Variants in PRKG1 observed in about 807,000 individuals in gnomAD.
PRKG1 encodes cGMP-dependent protein kinase 1.
PRKG1 carries 35 observed loss-of-function variants against 88.1 expected under a neutral mutation model. That is an observed-to-expected ratio of 0.40 (90% CI 0.30 to 0.53). The LOEUF is 0.53. PRKG1 is among the 20% of genes least tolerant of loss of function. The probability of loss-of-function intolerance (pLI) is 0.59; values close to 1 mark genes in which losing one functional copy is unlikely to be tolerated. For synonymous variants in PRKG1, 303 were observed against 292.5 expected, an observed-to-expected ratio of 1.04 and a Z score of -0.37; for missense variants, 540 against 839.8, an observed-to-expected ratio of 0.64 and a Z score of 4.41.
At chr10:51,846,678 A>G (rs979442549) in intron 4 of PRKG1, among the ~76,000 whole-genome samples, 3 of 152,182 alleles carry the variant, frequency 2.0e-5, no homozygotes, top group Admixed American at 6.5e-5. Flanking sequence ...GAAAATGTCA[A>G]TGCCGGTGCC....
chr10:52,175,741 G>T (rs752386690), intron 9 of PRKG1, among the ~76,000 whole-genome samples: 1 of 152,040 alleles, frequency 6.6e-6, no homozygotes, highest in African/African-American at 2.4e-5. Context: ...CTTCCCTGAT[G>T]ATTGGTATGT....
intron 9 of PRKG1, among the ~76,000 whole-genome samples, chr10:52,179,205 T>C (rs1328646686): frequency 6.6e-6 from 1 of 152,180 alleles, no homozygotes; most frequent in Non-Finnish European, 1.5e-5. Context: ...TTGCATGTTT[T>C]CATGATTCTA....
chr10:51,973,094 G>A (rs1843748467), intron 5 of PRKG1, among the ~76,000 whole-genome samples: 1 of 152,198 alleles, frequency 6.6e-6, no homozygotes, highest in Non-Finnish European at 1.5e-5. Flanking sequence ...AACCCTGCCA[G>A]TCTCTAGTGA....
chr10:51,229,578 T>C (rs968202490), intron 2 of PRKG1, among the ~76,000 whole-genome samples: 1 of 152,128 alleles, frequency 6.6e-6, no homozygotes, highest in Non-Finnish European at 1.5e-5. Context: ...TATCTTAGTC[T>C]CTCCAAGACT....
intron 3 of PRKG1, among the ~76,000 whole-genome samples, chr10:51,700,988 T>G (rs1294565180): frequency 4.6e-5 from 7 of 152,160 alleles, no homozygotes. Flanking sequence ...GTGCCATACA[T>G]GTAACATACA....
chr10:52,180,708 G>T (rs1192282597), intron 9 of PRKG1, among the ~76,000 whole-genome samples: 1 of 152,216 alleles, frequency 6.6e-6, no homozygotes, highest in Non-Finnish European at 1.5e-5. Flanking sequence ...TGTTGGTGGT[G>T]TAACTTTGCC....
chr10:51,439,001 A>G (rs1482854737), intron 2 of PRKG1, among the ~76,000 whole-genome samples: 1 of 127,778 alleles, frequency 7.8e-6, no homozygotes, highest in Non-Finnish European at 1.8e-5. Context: ...ACTAATTGGG[A>G]TTTTTTTTTT....
intron 2 of PRKG1, among the ~76,000 whole-genome samples, chr10:51,457,065 A>T (rs1404266941): frequency 6.6e-6 from 1 of 152,196 alleles, no homozygotes; most frequent in Non-Finnish European, 1.5e-5. Flanking sequence ...CTACCATTCA[A>T]TCCAGCATTC....
intron 7 of PRKG1, among the ~76,000 whole-genome samples, chr10:52,104,297 T>G (rs1046379465): frequency 1.3e-5 from 2 of 152,144 alleles, no homozygotes; most frequent in Middle Eastern, 3.4e-3. Flanking sequence ...AATAATGATA[T>G]TTTAATTGTT....
At chr10:51,938,470 G>C (rs74132822) in intron 5 of PRKG1, among the ~76,000 whole-genome samples, 12,728 of 151,910 alleles carry the variant, frequency 0.084, 1,450 homozygotes, top group African/African-American at 0.26. Flanking sequence ...GTGGTTTAGA[G>C]CAAGGTGGAA....
intron 7 of PRKG1, among the ~76,000 whole-genome samples, chr10:52,102,625 G>C (rs182083399): frequency 2.3e-5 from 3 of 132,424 alleles, no homozygotes; most frequent in African/African-American, 7.9e-5. Context: ...GGAGGTAAGG[G>C]GTTTCAAGAT....
chr10:51,709,591 T>A (rs1393056296), intron 3 of PRKG1, among the ~76,000 whole-genome samples: 2 of 152,150 alleles, frequency 1.3e-5, no homozygotes, highest in Non-Finnish European at 2.9e-5. Context: ...GAAAATGGAA[T>A]TGCCTGTGTT....
At chr10:51,631,141 A>C (rs57194146) in intron 3 of PRKG1, among the ~76,000 whole-genome samples, 2,668 of 152,212 alleles carry the variant, frequency 0.018, 90 homozygotes, top group African/African-American at 0.062. Flanking sequence ...TATTCTTGGT[A>C]TTTTATTTTA....
At chr10:51,580,940 T>G (rs1838016050) in intron 3 of PRKG1, among the ~76,000 whole-genome samples, 1 of 152,100 alleles carries the variant, frequency 6.6e-6, no homozygotes, top group Non-Finnish European at 1.5e-5. Context: ...GGCTCTTTCT[T>G]TGTTCCCAGG....
chr10:51,478,746 A>AAG (rs1840272359), intron 3 of PRKG1, among the ~76,000 whole-genome samples: 1 of 151,354 alleles, frequency 6.6e-6, no homozygotes, highest in Non-Finnish European at 1.5e-5. Flanking sequence ...GAGATACTGA[A>AAG]AAAAAAAAAT....
intron 3 of PRKG1, among the ~76,000 whole-genome samples, chr10:51,799,438 G>A (rs369309552): frequency 1.9e-4 from 29 of 151,888 alleles, no homozygotes; most frequent in Non-Finnish European, 4.0e-4. Flanking sequence ...TATATGCAAC[G>A]AGACTCCTCA....
At chr10:51,747,086 T>C (rs1192852748) in intron 3 of PRKG1, among the ~76,000 whole-genome samples, 4 of 152,176 alleles carry the variant, frequency 2.6e-5, no homozygotes, top group Admixed American at 2.6e-4. Context: ...CTGGGGGTTT[T>C]TGCTTGTCAG....
chr10:51,268,435 C>A (rs1425106526), intron 2 of PRKG1, among the ~76,000 whole-genome samples: 1 of 152,112 alleles, frequency 6.6e-6, no homozygotes, highest in Non-Finnish European at 1.5e-5. Context: ...CCTGAAGCGG[C>A]CATTTCAGAG....
intron 2 of PRKG1, among the ~76,000 whole-genome samples, chr10:51,191,006 T>C (rs10995990): frequency 0.034 from 5,152 of 151,886 alleles, 171 homozygotes; most frequent in South Asian, 0.085. Flanking sequence ...CTTTCCCTGG[T>C]TCACTAGAAT....
Sources: gnomAD v4.1 joint callset for allele counts (sites outside exome capture counted in the v4.1 genomes callset) on GRCh38, gnomAD v4.1.1 for gene constraint, MANE v1.5 for transcripts, NCBI Gene and HGNC (gene_info 2026-07-23, HGNC 2026-07-21) for gene names.